CACNB4: variants seen among roughly 807,000 people sequenced by gnomAD.
CACNB4 encodes voltage-dependent L-type calcium channel subunit beta-4.
In CACNB4, 32 loss-of-function variants were observed where a neutral mutation model predicts 71.2. The observed-to-expected ratio is 0.45, with a 90% CI of 0.34 to 0.60. CACNB4 has a LOEUF of 0.60. Among genes scored for constraint, CACNB4 ranks in the 20% least tolerant of loss-of-function variants. The pLI, the probability that CACNB4 is intolerant of heterozygous loss-of-function variation, is 0.01. For synonymous variants in CACNB4, 231 were observed against 236.9 expected (o/e 0.97, Z 0.23); for missense variants, 464 against 647.9 (o/e 0.72, Z 3.08).
chr2:151,854,991 A>T, intron 11 of CACNB4: 1 of 359,064 alleles, frequency 2.8e-6, no homozygotes, highest in South Asian at 1.2e-4. Context: ...TCTATTATAC[A>T]CTTGCATAAC....
intron 2 of CACNB4, among the ~76,000 whole-genome samples, chr2:152,061,641 CA>C (rs57640851): frequency 0.058 from 7,661 of 132,302 alleles, 583 homozygotes; most frequent in African/African-American, 0.19. Flanking sequence ...CTTCTCAAAG[CA>C]AAAAAAAAAA....
intron 2 of CACNB4, among the ~76,000 whole-genome samples, chr2:152,076,513 G>A (rs534840151): frequency 1.3e-5 from 2 of 152,022 alleles, no homozygotes; most frequent in South Asian, 2.1e-4. Context: ...GTTTGGGCTC[G>A]AAACTATGGG....
At chr2:152,041,585 T>C (rs560137614) in intron 2 of CACNB4, among the ~76,000 whole-genome samples, 1 of 152,294 alleles carries the variant, frequency 6.6e-6, no homozygotes, top group East Asian at 1.9e-4. Flanking sequence ...TGAGTTTTGA[T>C]AGGAGACTGG....
At chr2:151,844,369 A>G (rs1394150799) in intron 12 of CACNB4, among the ~76,000 whole-genome samples, 1 of 152,182 alleles carries the variant, frequency 6.6e-6, no homozygotes, top group African/African-American at 2.4e-5. Flanking sequence ...AGGAAGGGGA[A>G]GTTACGAGTA....
chr2:152,037,674 C>CACAG (rs1684666973), intron 2 of CACNB4, among the ~76,000 whole-genome samples: 1 of 152,228 alleles, frequency 6.6e-6, no homozygotes, highest in African/African-American at 2.4e-5. Context: ...CAGGTGAAGG[C>CACAG]ACAGCATTTA....
chr2:151,944,936 C>G (rs1385996271), intron 2 of CACNB4, among the ~76,000 whole-genome samples: 1 of 152,002 alleles, frequency 6.6e-6, no homozygotes, highest in Non-Finnish European at 1.5e-5. Flanking sequence ...TAGATTGGGC[C>G]AATATTAATA....
chr2:152,004,562 CACACACAT>C (rs1468902948), intron 2 of CACNB4, among the ~76,000 whole-genome samples: 2 of 151,876 alleles, frequency 1.3e-5, no homozygotes, highest in East Asian at 1.9e-4. Flanking sequence ...CACACACACA[CACACACAT>C]GCTAACAACC....
intron 2 of CACNB4, among the ~76,000 whole-genome samples, chr2:152,095,119 C>T (rs1688195233): frequency 6.6e-6 from 1 of 152,156 alleles, no homozygotes; most frequent in Non-Finnish European, 1.5e-5. Context: ...CATTTATTTG[C>T]TCCCTGGATT....
At chr2:151,881,218 T>C (rs2099847742) in intron 3 of CACNB4, among the ~76,000 whole-genome samples, 1 of 152,144 alleles carries the variant, frequency 6.6e-6, no homozygotes, top group South Asian at 2.1e-4. Context: ...GTCTCTTCTC[T>C]AATCTTAAAA....
intron 2 of CACNB4, among the ~76,000 whole-genome samples, chr2:151,890,064 T>G (rs1298069740): frequency 2.0e-5 from 3 of 152,220 alleles, no homozygotes; most frequent in Non-Finnish European, 4.4e-5. Context: ...CTTCAATGCC[T>G]TAATCCAGAG....
chr2:152,051,059 G>A (rs1413205932), intron 2 of CACNB4, among the ~76,000 whole-genome samples: 1 of 151,780 alleles, frequency 6.6e-6, no homozygotes, highest in Non-Finnish European at 1.5e-5. Context: ...TGAGCCGCTG[G>A]GCCCAGCCCA....
intron 2 of CACNB4, among the ~76,000 whole-genome samples, chr2:151,900,214 A>G (rs2151501723): frequency 6.6e-6 from 1 of 152,364 alleles, no homozygotes; most frequent in South Asian, 2.1e-4. Context: ...GCCTTTAAAG[A>G]GCTTTCAAAC....
chr2:151,908,593 T>C (rs771466382), intron 2 of CACNB4, among the ~76,000 whole-genome samples: 16 of 152,126 alleles, frequency 1.1e-4, no homozygotes, highest in Non-Finnish European at 1.6e-4. Flanking sequence ...ATGAAAGTCA[T>C]GGCAAAAAAT....
At chr2:151,905,679 A>T (rs975969480) in intron 2 of CACNB4, among the ~76,000 whole-genome samples, 5 of 152,184 alleles carry the variant, frequency 3.3e-5, no homozygotes, top group African/African-American at 1.2e-4. Context: ...ATTCTTCACA[A>T]CTCAAGAAAA....
chr2:151,868,093 G>T (rs556234355), intron 9 of CACNB4: 1 of 152,102 alleles, frequency 6.6e-6, no homozygotes, highest in African/African-American at 2.4e-5. Context: ...TATCCAGAAA[G>T]CTTTTATTTT....
chr2:151,934,621 G>T (rs897855775), intron 2 of CACNB4, among the ~76,000 whole-genome samples: 2 of 152,114 alleles, frequency 1.3e-5, no homozygotes, highest in Non-Finnish European at 2.9e-5. Flanking sequence ...GGCGGATCAC[G>T]AGATCAAGAG....
intron 2 of CACNB4, among the ~76,000 whole-genome samples, chr2:152,062,060 G>A (rs1686051569): frequency 7.8e-6 from 1 of 128,578 alleles, no homozygotes; most frequent in Non-Finnish European, 1.6e-5. Flanking sequence ...GATTAGGAAT[G>A]CTTTCTGGAT....
chr2:151,914,434 AG>A (rs755258704), intron 2 of CACNB4, among the ~76,000 whole-genome samples: 2 of 152,042 alleles, frequency 1.3e-5, no homozygotes, highest in Non-Finnish European at 2.9e-5. Flanking sequence ...AGCTCAGTGT[AG>A]TTTTTTATTA....
chr2:152,081,798 A>G (rs1040767130), intron 2 of CACNB4, among the ~76,000 whole-genome samples: 1 of 152,252 alleles, frequency 6.6e-6, no homozygotes, highest in Non-Finnish European at 1.5e-5. Flanking sequence ...ATGTTACTTA[A>G]AAACAGAAAT....
Sources: allele counts gnomAD v4.1 joint callset (sites outside exome capture counted in the v4.1 genomes callset), GRCh38; gene constraint gnomAD v4.1.1; transcripts MANE v1.5; gene names NCBI Gene and HGNC (gene_info 2026-07-23, HGNC 2026-07-21).